The following CHD1L variants were observed in gnomAD, a reference collection of about 807,000 sequenced individuals.
The protein encoded by CHD1L is chromodomain helicase DNA binding protein 1 like.
A neutral mutation model predicts 115.9 loss-of-function variants in CHD1L; 118 were observed. That is an observed-to-expected ratio of 1.02 (90% CI 0.88 to 1.19). CHD1L has a LOEUF of 1.19. Ranked by LOEUF, CHD1L falls within the 50% of genes most tolerant of loss-of-function variation. The probability of loss-of-function intolerance (pLI) is 0.00; values close to 1 mark genes in which losing one functional copy is unlikely to be tolerated. For synonymous variants in CHD1L, 411 were observed against 387.1 expected (o/e 1.06, Z -0.72); for missense variants, 1,179 against 1,065.3 (o/e 1.11, Z -1.49).
At chr1:147,179,053 T>A in the CHD1L span, 1 of 1,613,760 alleles carries the variant, frequency 6.2e-7, no homozygotes, top group Non-Finnish European at 8.5e-7. Flanking sequence ...ACTTTCTGAT[T>A]TTGGCTTGGA....
rs782586692 is a variant in CHD1L, at chr1:147,285,471, G to A, written c.2002G>A (p.Ala668Thr). Residue 668 changes from alanine (A) to threonine (T), a missense_variant, in exon 17 of 23, where the codon GCT (alanine) becomes ACT (threonine). By Grantham distance (58) the Ala-to-Thr change is moderately conservative. Transcript: ENST00000369258. ...IEEKKRQKEE[A>T]EHKKKMAWWE... ...GGAGAAGAAGAGGCAAAAGGAAGAG[G>A]CTGAACATAAGAAAAAGTATGTCTG... The A allele has an allele frequency of 3.7e-6, 6 of 1,611,366 alleles. No individual in the cohort carries two copies. Among genetic ancestry groups the A allele is most frequent in the South Asian group, 1.1e-5 (1 of 90,668 alleles).
At position 147,242,798 on chromosome 1, in the gene CHD1L, A is replaced by G; in HGVS notation, c.95A>G (p.Gln32Arg). The G allele has an allele frequency of 7.8e-7, 1 of 1,275,656 alleles. No individual in the cohort carries two copies. The allele number at this position is 1,275,656 out of a possible 1,614,324, so 79.0% of individuals were successfully genotyped here. A position where few individuals can be genotyped will look rare whatever the true frequency, so the allele number is the denominator to read the frequency against. ...TEGRAEAARV[Q>R]EQDLRQWGLT... ...GGCCGAGCCGAGGCGGCGCGGGTGC[A>G]GGAGCAGGACTTACGGCAGTGGGGG... The change falls in exon 1 of 23, where the codon CAG (glutamine) becomes CGG (arginine). Residue 32 changes from glutamine (Q) to arginine (R), a missense_variant. Coordinates refer to ENST00000369258, the MANE Select transcript of CHD1L (RefSeq NM_004284.6).
At chr1:147,178,575 C>A in the CHD1L span, 1 of 1,608,714 alleles carries the variant, frequency 6.2e-7, no homozygotes, top group Non-Finnish European at 8.5e-7. Flanking sequence ...ATAAAGATGC[C>A]TCTATAGTAG....
In CHD1L at chr1:147,264,592, C is replaced by G. The variant is rs782368562; in HGVS notation, c.739+8C>G. The G allele has an allele frequency of 4.3e-6, 7 of 1,611,658 alleles. No homozygotes were observed. Among genetic ancestry groups the G allele is most frequent in the Non-Finnish European group, 5.9e-6 (7 of 1,178,960 alleles). On this transcript the variant is annotated splice_region_variant and intron_variant, in intron 7 of 22. Coordinates refer to ENST00000369258, the MANE Select transcript of CHD1L (RefSeq NM_004284.6). ...AGAAAGAATCTGAGTCAGGCAAGTT[C>G]CTTTCCTGCAAATCATCCCCAAGAA...
At chr1:147,173,103 C>G in the CHD1L span, 2 of 152,566 alleles carry the variant, frequency 1.3e-5, no homozygotes, top group Non-Finnish European at 1.5e-5. Flanking sequence ...GAGATCAAGA[C>G]CATCCTGGCC....
chr1:147,294,385 CAT>C (rs1284381499), intron 21 of CHD1L, 22 bp from the exon 22 acceptor site: 57,423 of 1,541,444 alleles, frequency 0.037, 1,169 homozygotes, highest in African/African-American at 0.058. Flanking sequence ...TGAGTGAAGA[CAT>C]GTGTTCTTCT....
intron 16 of CHD1L, among the ~76,000 whole-genome samples, chr1:147,284,756 C>G (rs1682407916): frequency 6.6e-6 from 1 of 152,032 alleles, no homozygotes. Flanking sequence ...CCAAGTCACC[C>G]CTAAAGGCAT....
At chr1:147,218,903 T>G in the CHD1L span, among the ~76,000 whole-genome samples, 907 of 152,318 alleles carry the variant, frequency 6.0e-3, 4 homozygotes, top group Middle Eastern at 0.01. Context: ...GAGAATTAGA[T>G]TCCGCTATTC....
chr1:147,210,336 A>T, the CHD1L span: 4 of 152,224 alleles, frequency 2.6e-5, no homozygotes, highest in Non-Finnish European at 5.9e-5. Flanking sequence ...CAGAACTGAT[A>T]AAGATTTGAT....
the CHD1L span, among the ~76,000 whole-genome samples, chr1:147,183,685 G>A: frequency 6.6e-6 from 1 of 152,106 alleles, no homozygotes; most frequent in Non-Finnish European, 1.5e-5. Flanking sequence ...CTGGACGATG[G>A]TATAGGTGTT....
the CHD1L span, among the ~76,000 whole-genome samples, chr1:147,220,127 C>T: frequency 0.093 from 14,087 of 152,154 alleles, 737 homozygotes; most frequent in African/African-American, 0.15. Context: ...CATGAGCCAT[C>T]GCACCCAGTC....
chr1:147,211,264 T>C, the CHD1L span: 1 of 152,348 alleles, frequency 6.6e-6, no homozygotes, highest in South Asian at 2.1e-4. Flanking sequence ...GCCAATGATA[T>C]TAAAGATGGC....
intron 15 of CHD1L, among the ~76,000 whole-genome samples, chr1:147,281,792 A>G (rs2102850322): frequency 6.6e-6 from 1 of 151,694 alleles, no homozygotes; most frequent in East Asian, 1.9e-4. Context: ...TACTTCTTTA[A>G]AAAAATATAT....
chr1:147,287,640 T>G lies in CHD1L; in HGVS notation c.2227T>G (p.Ser743Ala), dbSNP rs782223724. ...DALIVHCVDD[S>A]GHWGRGGLFT... ...TTTTCTCTTTCTTCAAACAGATGAC[T>G]CTGGCCACTGGGGCAGAGGTGGTTT... is the stretch of plus-strand genomic sequence containing the variant. Residue 743 changes from serine to alanine, a missense_variant, in exon 19 of 23, where the codon TCT (serine) becomes GCT (alanine). Transcript: ENST00000369258. 9.9e-6 allele frequency: 16 copies of G among 1,613,584 alleles called. No individual in the cohort carries two copies. The South Asian group carries it at 1.8e-4, about 18-fold the overall frequency.
chr1:147,186,774 T>C, the CHD1L span: 2 of 1,470,062 alleles, frequency 1.4e-6, no homozygotes, highest in East Asian at 2.3e-5. Context: ...AGTGAATTAA[T>C]GCTTTCGAAA....
the CHD1L span, chr1:147,204,176 G>A: frequency 1.5e-6 from 2 of 1,333,784 alleles, no homozygotes; most frequent in East Asian, 4.6e-5. Flanking sequence ...TGTTCCCTTA[G>A]TTTCTGTTAT....
At chr1:147,274,450 T>A (rs1677522566) in intron 12 of CHD1L, among the ~76,000 whole-genome samples, 1 of 152,204 alleles carries the variant, frequency 6.6e-6, no homozygotes, top group Non-Finnish European at 1.5e-5. Flanking sequence ...ATCCAGCTTA[T>A]GGTCAGTAGT....
the CHD1L span, chr1:147,223,766 T>G: frequency 1.6e-5 from 4 of 242,624 alleles, no homozygotes; most frequent in African/African-American, 9.3e-5. Context: ...TATCCTTTTA[T>G]AAGCTGCTGA....
intron 19 of CHD1L, among the ~76,000 whole-genome samples, chr1:147,289,678 A>G (rs1386105466): frequency 6.6e-6 from 1 of 152,192 alleles, no homozygotes; most frequent in Non-Finnish European, 1.5e-5. Flanking sequence ...TTGAATTTGA[A>G]TAGGTGGAGA....
Sources: allele counts gnomAD v4.1 joint callset (sites outside exome capture counted in the v4.1 genomes callset), GRCh38; gene constraint gnomAD v4.1.1; transcripts MANE v1.5; gene names NCBI Gene and HGNC (gene_info 2026-07-23, HGNC 2026-07-21).